The following WWOX variants were observed in gnomAD, a reference collection of about 807,000 sequenced individuals.
WWOX encodes WW domain containing oxidoreductase.
Under a neutral mutation model 46.2 loss-of-function variants are expected in WWOX, and 69 were observed. That is an observed-to-expected ratio of 1.49 (90% confidence interval 1.23 to 1.82). WWOX has a LOEUF of 1.82. WWOX is among the 40% of genes most tolerant of loss of function. The pLI is 0.00. For missense variants in WWOX, 919 were observed against 542.6 expected (o/e 1.69, Z -6.89); for synonymous variants, 359 against 202.6 (o/e 1.77, Z -6.56).
chr16:78,635,031 C>A (rs915434710), intron 8 of WWOX, among the ~76,000 whole-genome samples: 6 of 152,088 alleles, frequency 3.9e-5, no homozygotes, highest in African/African-American at 1.4e-4. Flanking sequence ...CTCATCCAAC[C>A]CTGACGGCTT....
At chr16:78,334,783 G>C (rs2080840615) in intron 5 of WWOX, among the ~76,000 whole-genome samples, 1 of 146,074 alleles carries the variant, frequency 6.8e-6, no homozygotes, top group Admixed American at 7.0e-5. Flanking sequence ...AAATGGGAAA[G>C]TCTCCCCTCC....
At chr16:78,933,590 G>T (rs1034339562) in intron 8 of WWOX, among the ~76,000 whole-genome samples, 1 of 152,192 alleles carries the variant, frequency 6.6e-6, no homozygotes, top group Non-Finnish European at 1.5e-5. Flanking sequence ...TGCTGATAAA[G>T]ACATACCCGA....
At chr16:78,475,914 G>C (rs1228777417) in intron 8 of WWOX, among the ~76,000 whole-genome samples, 1 of 152,144 alleles carries the variant, frequency 6.6e-6, no homozygotes, top group African/African-American at 2.4e-5. Flanking sequence ...TGGACAAAGA[G>C]GTATTAAAGA....
Position 78,342,068 on chromosome 16 carries a change from A to T in WWOX, c.517-44792A>T, listed in dbSNP as rs147990962. 6.6e-5 allele frequency among the ~76,000 whole-genome samples: 8 copies of T among 121,514 alleles called. 3 individuals are homozygous for T. 79.7% of individuals were successfully genotyped at this position (121,514 alleles called of 152,430 possible). A position where few individuals can be genotyped will look rare whatever the true frequency, so the allele number is the denominator to read the frequency against. On this transcript the variant is annotated intron_variant, in intron 5 of 8. Transcript: ENST00000566780. The stretch of plus-strand genomic sequence containing the variant: ...GAGATCAAGGCTACAGTGAGCTGCA[A>T]TTGTGCCACTGCACTCTAATTTAGG...
chr16:79,103,263 G>GCAT (rs2049239512), intron 8 of WWOX, among the ~76,000 whole-genome samples: 1 of 152,168 alleles, frequency 6.6e-6, no homozygotes, highest in African/African-American at 2.4e-5. Flanking sequence ...TTCTGAAGAG[G>GCAT]CATCTATTAA....
chr16:78,291,150 A>G (rs984217805), intron 5 of WWOX, among the ~76,000 whole-genome samples: 4 of 152,302 alleles, frequency 2.6e-5, no homozygotes, highest in Non-Finnish European at 5.9e-5. Context: ...GATTTCATCA[A>G]GTAAATATAT....
At chr16:79,168,943 C>T (rs1396306315) in intron 8 of WWOX, among the ~76,000 whole-genome samples, 1 of 152,198 alleles carries the variant, frequency 6.6e-6, no homozygotes, top group African/African-American at 2.4e-5. Flanking sequence ...TACAAACTAT[C>T]TCACTTTGAA....
At chr16:78,710,635 G>T (rs571831039) in intron 8 of WWOX, among the ~76,000 whole-genome samples, 2 of 148,874 alleles carry the variant, frequency 1.3e-5, no homozygotes, top group East Asian at 2.0e-4. Context: ...TGTTTTTTGA[G>T]ACAGGGTCTT....
intron 8 of WWOX, among the ~76,000 whole-genome samples, chr16:78,813,738 G>A (rs1006735402): frequency 6.6e-6 from 1 of 152,058 alleles, no homozygotes. Flanking sequence ...TCTCTTTGTC[G>A]CCGTTAATTT....
At chr16:79,158,912 C>A (rs1481552302) in intron 8 of WWOX, among the ~76,000 whole-genome samples, 1 of 152,172 alleles carries the variant, frequency 6.6e-6, no homozygotes, top group Non-Finnish European at 1.5e-5. Flanking sequence ...CCAGTTCCTA[C>A]AACAGTGCCC....
intron 8 of WWOX, among the ~76,000 whole-genome samples, chr16:78,607,679 G>A (rs2151626199): frequency 6.6e-6 from 1 of 151,538 alleles, no homozygotes; most frequent in South Asian, 2.1e-4. Context: ...AGAGAAGGAG[G>A]ATATAGGGGC....
intron 5 of WWOX, among the ~76,000 whole-genome samples, chr16:78,262,097 C>CAAAAAAAAAAA (rs752161345): frequency 1.6e-4 from 10 of 62,588 alleles, no homozygotes; most frequent in Non-Finnish European, 2.0e-4. Flanking sequence ...GAAACTCTGT[C>CAAAAAAAAAAA]AAAAAAAAAA....
At chr16:78,923,256 C>G (rs1424484025) in intron 8 of WWOX, among the ~76,000 whole-genome samples, 1 of 152,172 alleles carries the variant, frequency 6.6e-6, no homozygotes, top group African/African-American at 2.4e-5. Flanking sequence ...ACTGGGATTA[C>G]AGGCTTGAGC....
intron 8 of WWOX, among the ~76,000 whole-genome samples, chr16:78,726,957 G>C (rs2048850101): frequency 6.6e-6 from 1 of 152,200 alleles, no homozygotes; most frequent in South Asian, 2.1e-4. Context: ...CTGAGCTTTT[G>C]TGTTTTTGGT....
At chr16:78,123,198 G>C (rs1172438850) in intron 4 of WWOX, 1 of 149,340 alleles carries the variant, frequency 6.7e-6, no homozygotes, top group Non-Finnish European at 1.5e-5. Context: ...TGTATAAAAT[G>C]CCAGGGATGA....
intron 8 of WWOX, among the ~76,000 whole-genome samples, chr16:78,435,586 T>C (rs567538592): frequency 1.4e-4 from 21 of 152,184 alleles, no homozygotes; most frequent in Non-Finnish European, 3.1e-4. Flanking sequence ...CAGGTTTTGT[T>C]GAAGTTGTCT....
intron 8 of WWOX, among the ~76,000 whole-genome samples, chr16:78,801,291 C>G (rs111848763): frequency 6.6e-6 from 1 of 152,140 alleles, no homozygotes; most frequent in Admixed American, 6.5e-5. Context: ...AGGTAGATCC[C>G]CTGAGGTTGG....
intron 4 of WWOX, among the ~76,000 whole-genome samples, chr16:78,120,543 G>T (rs1007511769): frequency 2.0e-5 from 3 of 150,000 alleles, no homozygotes; most frequent in Admixed American, 1.3e-4. Context: ...GCAGTCCGCA[G>T]TCCGGCCTGG....
chr16:78,158,882 T>C (rs1263298905), intron 4 of WWOX, among the ~76,000 whole-genome samples: 2 of 152,006 alleles, frequency 1.3e-5, no homozygotes, highest in African/African-American at 4.8e-5. Flanking sequence ...CTAGGGCTTT[T>C]CCATCTGGCG....
Sources: gnomAD v4.1 joint callset for allele counts (sites outside exome capture counted in the v4.1 genomes callset) on GRCh38, gnomAD v4.1.1 for gene constraint, MANE v1.5 for transcripts, NCBI Gene and HGNC (gene_info 2026-07-23, HGNC 2026-07-21) for gene names.